Variants in PGLS observed in about 807,000 individuals in gnomAD.
PGLS encodes the protein epididymis secretory protein Li 304.
A neutral mutation model predicts 23.2 loss-of-function variants in PGLS; 21 were observed. That is an observed-to-expected ratio of 0.91 (90% CI 0.64 to 1.31). The LOEUF (loss-of-function observed/expected upper bound fraction) is 1.31, where lower values mean the gene tolerates loss of function less well. PGLS is among the 50% of genes most tolerant of loss of function. The pLI, the probability that PGLS is intolerant of heterozygous loss-of-function variation, is 0.00. For synonymous variants in PGLS, 179 were observed against 165.4 expected, an observed-to-expected ratio of 1.08 and a Z score of -0.63; for missense variants, 410 against 354.0, an observed-to-expected ratio of 1.16 and a Z score of -1.27.
chr19:17,515,086 GC>G (rs2075526578), intron 1 of PGLS, among the ~76,000 whole-genome samples: 1 of 152,170 alleles, frequency 6.6e-6, no homozygotes, highest in African/African-American at 2.4e-5. Context: ...ACCATGCCTG[GC>G]CATTTTCTGT....
In PGLS at chr19:17,511,976, G is replaced by T; in HGVS notation, c.288+16G>T. On this transcript the variant is annotated intron_variant, in intron 1 of 4. Coordinates refer to ENST00000252603, the MANE Select transcript of PGLS (RefSeq NM_012088.3). ...CCTCTACCGGGTGAGAGCTACGGGGGCCGCCGGGGATCACGCCGAGAGGGC... is the reference window on the plus strand; with the variant it reads ...CCTCTACCGGGTGAGAGCTACGGGGTCCGCCGGGGATCACGCCGAGAGGGC... 6.5e-7 allele frequency: 1 copy of T among 1,534,130 alleles called. No individual in the cohort carries two copies.
At chr19:17,517,600 T>G in intron 3 of PGLS, 110 bp from the exon 4 acceptor site, 3 of 1,243,126 alleles carry the variant, frequency 2.4e-6, no homozygotes, top group Non-Finnish European at 3.4e-6. Context: ...CATGGGATTG[T>G]TAGTAGGATG....
intron 2 of PGLS, chr19:17,516,512 A>C: frequency 2.3e-6 from 3 of 1,318,444 alleles, no homozygotes; most frequent in Non-Finnish European, 2.9e-6. Flanking sequence ...GGGAAATATG[A>C]TGGGTATGGC....
At chr19:17,518,790 C>T (rs2144645813) in intron 4 of PGLS, 1 of 152,180 alleles carries the variant, frequency 6.6e-6, no homozygotes. Context: ...CTTGGCCTCC[C>T]AAAGTGCTGG....
chr19:17,516,598 T>G, intron 2 of PGLS: 1 of 905,896 alleles, frequency 1.1e-6, no homozygotes, highest in South Asian at 3.1e-5. Flanking sequence ...TTTTTTTTTT[T>G]CTTTGAGACG....
Position 17,511,749 on chromosome 19 carries a change from T to G in PGLS, c.77T>G (p.Val26Gly). 3 of 1,503,532 alleles carry G rather than the reference T, an allele frequency of 2.0e-6. No individual in the cohort carries two copies. Among genetic ancestry groups the G allele is most frequent in the Non-Finnish European group, 2.6e-6 (3 of 1,133,476 alleles). 93.1% of individuals were successfully genotyped at this position (1,503,532 alleles called of 1,614,324 possible). The part of the protein sequence containing the change: ...QELGAALAQL[V>G]AQRAACCLAG... ...CTGGGTGCGGCGCTAGCGCAGCTGG[T>G]GGCCCAGCGCGCAGCATGCTGCCTG... The change falls in exon 1 of 5, where the codon GTG (valine) becomes GGG (glycine). Residue 26 changes from valine to glycine, a missense_variant. Coordinates refer to ENST00000252603, the MANE Select transcript of PGLS (RefSeq NM_012088.3).
chr19:17,514,076 A>G (rs1450674493), intron 1 of PGLS, among the ~76,000 whole-genome samples: 8 of 152,232 alleles, frequency 5.3e-5, no homozygotes, highest in Non-Finnish European at 1.2e-4. Flanking sequence ...CTAGGGCTAC[A>G]TAACGAATGA....
At chr19:17,515,408 T>C (rs908721534) in intron 1 of PGLS, among the ~76,000 whole-genome samples, 1 of 151,636 alleles carries the variant, frequency 6.6e-6, no homozygotes, top group Non-Finnish European at 1.5e-5. Flanking sequence ...CCAGGGCCCC[T>C]GGGGCGCCTC....
At position 17,512,138 on chromosome 19, in the gene PGLS, G is replaced by T. The variant is rs888986629; in HGVS notation, c.288+178G>T. Reference sequence around the variant, plus strand: ...GGCCGTGCCCACTGCCTGCACCTCGGCTACGTGGGTCGCTGGGGGTCATGC... The same window carrying T: ...GGCCGTGCCCACTGCCTGCACCTCGTCTACGTGGGTCGCTGGGGGTCATGC... On this transcript the variant is annotated intron_variant, in intron 1 of 4. Transcript: ENST00000252603. The T allele has an allele frequency of 8.9e-6, 6 of 673,702 alleles. No individual in the cohort carries two copies. In the East Asian group the frequency reaches 2.0e-4, roughly 23 times the overall value. 41.7% of individuals were successfully genotyped at this position (673,702 alleles called of 1,614,324 possible).
intron 2 of PGLS, chr19:17,516,582 TC>T: frequency 7.2e-6 from 7 of 970,746 alleles, no homozygotes; most frequent in Non-Finnish European, 7.7e-6. Flanking sequence ...TACTTGTATT[TC>T]TTTTTTTTTT....
intron 4 of PGLS, 102 bp downstream of exon 4, chr19:17,517,952 G>T: frequency 1.9e-6 from 2 of 1,028,326 alleles, no homozygotes; most frequent in East Asian, 3.4e-5. Context: ...CAGATCTGAA[G>T]AAAACTCAGT....
intron 1 of PGLS, chr19:17,515,872 G>A (rs1386041747): frequency 3.5e-6 from 1 of 289,472 alleles, no homozygotes; most frequent in African/African-American, 2.1e-5. Flanking sequence ...ATTCACCCAG[G>A]AGGGCCACCC....
In PGLS at chr19:17,521,182, C is replaced by G. The variant is rs978869281; in HGVS notation, c.*101C>G. Reference sequence around the variant, plus strand: ...GGGCTCTCCTTTCAAAAAGCCACGTCGTGCTGCTGCTGGAAGCCAACAGCC... The same window carrying G: ...GGGCTCTCCTTTCAAAAAGCCACGTGGTGCTGCTGCTGGAAGCCAACAGCC... On this transcript the variant is annotated 3_prime_UTR_variant, in exon 5 of 5. Coordinates refer to ENST00000252603, the MANE Select transcript of PGLS (RefSeq NM_012088.3). 4 of 1,261,108 alleles carry G rather than the reference C, an allele frequency of 3.2e-6. No individual in the cohort carries two copies. The highest frequency in any genetic ancestry group is 4.3e-6 in the Non-Finnish European group (4 of 935,028). 78.1% of individuals were successfully genotyped at this position (1,261,108 alleles called of 1,614,324 possible). A position where few individuals can be genotyped will look rare whatever the true frequency, so the allele number is the denominator to read the frequency against.
chr19:17,517,046 G>A (rs1428863392), intron 2 of PGLS, among the ~76,000 whole-genome samples: 2 of 151,548 alleles, frequency 1.3e-5, no homozygotes, highest in African/African-American at 2.4e-5. Context: ...CACCACGCCT[G>A]GCTAATTTTT....
intron 4 of PGLS, 146 bp from the exon 5 acceptor site, chr19:17,520,798 G>C (rs1051074285): frequency 3.1e-5 from 22 of 702,734 alleles, no homozygotes; most frequent in African/African-American, 5.6e-5. Context: ...TGTCCCTGCT[G>C]TTTGGCACTA....
chr19:17,518,524 TTTTG>T (rs1450563369), intron 4 of PGLS: 1 of 152,156 alleles, frequency 6.6e-6, no homozygotes, highest in African/African-American at 2.4e-5. Context: ...TTTATTTTTT[TTTTG>T]TTTTTTGTGT....
intron 2 of PGLS, among the ~76,000 whole-genome samples, chr19:17,517,003 G>A (rs2075536537): frequency 6.6e-6 from 1 of 151,312 alleles, no homozygotes. Flanking sequence ...TCCTACCTCA[G>A]CCTCCCAAGT....
rs200094928 is a variant in PGLS at position 17,516,267 on chromosome 19, A to C, written c.383A>C (p.Lys128Thr). 6.2e-7 allele frequency: 1 copy of C among 1,613,838 alleles called. No individual in the cohort carries two copies. The highest frequency in any genetic ancestry group is 2.2e-5 in the East Asian group (1 of 44,872). The change falls in exon 2 of 5, where the codon AAG becomes ACG. Residue 128 changes from lysine (K) to threonine (T), a missense_variant. Transcript: ENST00000252603. ...PVEEAAEDYA[K>T]KLRQAFQGDS... Reference sequence around the variant, plus strand: ...GAGGAGGCGGCTGAGGACTACGCCAAGAAGCTGAGACAGGTGAGCCCCGAG... The same window carrying C: ...GAGGAGGCGGCTGAGGACTACGCCACGAAGCTGAGACAGGTGAGCCCCGAG...
chr19:17,517,420 G>T (rs2075538437), intron 3 of PGLS, 31 bp downstream of exon 3: 3 of 1,528,704 alleles, frequency 2.0e-6, no homozygotes, highest in African/African-American at 1.4e-5. Context: ...TTCCACCCTA[G>T]TCCTGAGCCC....
Sources: gnomAD v4.1 joint callset for allele counts (sites outside exome capture counted in the v4.1 genomes callset) on GRCh38, gnomAD v4.1.1 for gene constraint, MANE v1.5 for transcripts, NCBI Gene and HGNC (gene_info 2026-07-23, HGNC 2026-07-21) for gene names.